The following GRM3 variants were observed in gnomAD, a reference collection of about 807,000 sequenced individuals.
GRM3 encodes glutamate metabotropic receptor 3.
GRM3 carries 26 observed loss-of-function variants against 70.5 expected under a neutral mutation model. The ratio of observed to expected loss-of-function variants is 0.37; its 90% CI spans 0.27 to 0.51. The LOEUF (loss-of-function observed/expected upper bound fraction) is 0.51, where lower values mean the gene tolerates loss of function less well. Ranked by LOEUF, GRM3 falls within the 20% of genes least tolerant of loss-of-function variation. The pLI, the probability that GRM3 is intolerant of heterozygous loss-of-function variation, is 0.93. For synonymous variants in GRM3, 443 were observed against 434.9 expected (o/e 1.02, Z -0.23); for missense variants, 859 against 1,123.8 (o/e 0.76, Z 3.37).
chr7:86,675,382 C>T (rs1794280700), intron 1 of GRM3, among the ~76,000 whole-genome samples: 1 of 152,092 alleles, frequency 6.6e-6, no homozygotes, highest in African/African-American at 2.4e-5. Flanking sequence ...CCAAAGTATT[C>T]TGTGTCTGTT....
intron 1 of GRM3, among the ~76,000 whole-genome samples, chr7:86,653,787 T>C (rs1044072127): frequency 2.0e-5 from 3 of 152,018 alleles, no homozygotes; most frequent in African/African-American, 4.8e-5. Flanking sequence ...TATTTTATCC[T>C]ATATTTTATC....
rs1246791676 is a variant in GRM3, at chr7:86,839,442, T to C, written c.1928T>C (p.Leu643Ser). The change falls in exon 4 of 6, where the codon TTG becomes TCG. Residue 643 changes from leucine to serine, a missense_variant. Coordinates refer to ENST00000361669, the MANE Select transcript of GRM3 (RefSeq NM_000840.3). This position sits in a 1 kb window ranked among gnomAD's most constrained non-coding sequence, Gnocchi z 4.5. ...AAGCCATCACCAGTCATCTGTGCAT[T>C]GCGCCGACTCGGGCTGGGGAGTTCC... ...IAKPSPVICA[L>S]RRLGLGSSFA... The C allele has an allele frequency of 6.8e-6, 11 of 1,613,816 alleles. No individual in the cohort carries two copies. Among genetic ancestry groups the C allele is most frequent in the South Asian group, 1.1e-5 (1 of 91,054 alleles).
chr7:86,700,657 A>G (rs1401916680), intron 1 of GRM3, among the ~76,000 whole-genome samples: 1 of 151,980 alleles, frequency 6.6e-6, no homozygotes, highest in African/African-American at 2.4e-5. Context: ...TTTACACAGA[A>G]AACAATTAAG....
intron 1 of GRM3, among the ~76,000 whole-genome samples, chr7:86,682,712 AT>A (rs1250528012): frequency 9.2e-5 from 14 of 152,202 alleles, no homozygotes; most frequent in East Asian, 5.8e-4. Flanking sequence ...CTTTTCAAGC[AT>A]TTTTTTAATC....
At chr7:86,761,435 C>A (rs1796478292) in intron 1 of GRM3, among the ~76,000 whole-genome samples, 1 of 152,070 alleles carries the variant, frequency 6.6e-6, no homozygotes. Flanking sequence ...ATATTTCTAC[C>A]TGTTGGTGAC....
chr7:86,819,573 C>T (rs1264644253), intron 3 of GRM3, among the ~76,000 whole-genome samples: 1 of 152,086 alleles, frequency 6.6e-6, no homozygotes, highest in African/African-American at 2.4e-5. Flanking sequence ...GAAACTAATG[C>T]CATGCTGCCC....
At position 86,864,275 on chromosome 7, in the gene GRM3, T is replaced by C. The variant is rs201487400; in HGVS notation, c.2567-7T>C. On this transcript the variant is annotated splice_region_variant and splice_polypyrimidine_tract_variant and intron_variant, in intron 5 of 5. Coordinates refer to ENST00000361669, the MANE Select transcript of GRM3 (RefSeq NM_000840.3). ...CTTTGAGTTTTCTGTCCCACTTTGT[T>C]TTCCAGCCTCTGCAAGCACGTATGT... 6.7e-7 allele frequency: 1 copy of C among 1,498,274 alleles called. No individual in the cohort carries two copies. Among genetic ancestry groups the C allele is most frequent in the East Asian group, 2.3e-5 (1 of 44,308 alleles). The allele number at this position is 1,498,274 out of a possible 1,614,324, so 92.8% of individuals were successfully genotyped here.
At chr7:86,749,287 A>G (rs1796175712) in intron 1 of GRM3, among the ~76,000 whole-genome samples, 1 of 152,024 alleles carries the variant, frequency 6.6e-6, no homozygotes, top group Non-Finnish European at 1.5e-5. Context: ...GGTCCTATAA[A>G]GTGGCAGCCC....
intron 1 of GRM3, among the ~76,000 whole-genome samples, chr7:86,652,452 T>C (rs1793630696): frequency 6.6e-6 from 1 of 152,266 alleles, no homozygotes; most frequent in East Asian, 1.9e-4. Flanking sequence ...TGCCTCAGCC[T>C]CCCAAGTAGC....
chr7:86,839,444 C>T lies in GRM3; in HGVS notation c.1930C>T (p.Arg644Cys), dbSNP rs777582336. Residue 644 changes from arginine (R) to cysteine (C), a missense_variant, in exon 4 of 6, where the codon CGC (arginine) becomes TGC (cysteine). Transcript: ENST00000361669. The surrounding 1 kb of genome is among the most constrained non-coding windows in gnomAD (Gnocchi z 4.5). ...GCCATCACCAGTCATCTGTGCATTG[C>T]GCCGACTCGGGCTGGGGAGTTCCTT... ...AKPSPVICAL[R>C]RLGLGSSFAI... 9 of 1,613,586 alleles carry T rather than the reference C, an allele frequency of 5.6e-6. No homozygotes were observed. Among genetic ancestry groups the T allele is most frequent in the East Asian group, 2.2e-5 (1 of 44,872 alleles).
In GRM3 at chr7:86,765,106, TCCA is replaced by T. The variant is rs1157908824; in HGVS notation, c.-36_-34del. ...GAGAGGACTAGCATGACACATTGGC[TCCA>T]CCATTGATATCTCCCAGAGGTACAG... On this transcript the variant is annotated 5_prime_UTR_variant, in exon 2 of 6. Transcript: ENST00000361669. 9.2e-6 allele frequency: 14 copies of T among 1,526,102 alleles called. No individual in the cohort carries two copies. The Admixed American group carries it at 1.1e-4, about 12-fold the overall frequency. The allele number at this position is 1,526,102 out of a possible 1,614,324, so 94.5% of individuals were successfully genotyped here.
Position 86,757,712 on chromosome 7 carries a change from G to A in GRM3, c.-140-7294G>A, listed in dbSNP as rs576637983. ...TCAGAAAGACTGCCACTGCTACATG[G>A]CAGGAAAGTGCCCTGTGCAGAATAC... On this transcript the variant is annotated intron_variant, in intron 1 of 5. Coordinates refer to ENST00000361669, the MANE Select transcript of GRM3 (RefSeq NM_000840.3). Among the ~76,000 whole-genome samples, 3 of 152,210 alleles carry A rather than the reference G, an allele frequency of 2.0e-5. No homozygotes were observed. In the South Asian group the frequency reaches 6.2e-4, roughly 32 times the overall value.
intron 4 of GRM3, among the ~76,000 whole-genome samples, chr7:86,841,726 A>G (rs1019762886): frequency 3.9e-5 from 6 of 152,196 alleles, no homozygotes; most frequent in African/African-American, 9.6e-5. Flanking sequence ...CATAAATAAC[A>G]TTATAAAAAT....
At chr7:86,687,079 G>C (rs1246274701) in intron 1 of GRM3, among the ~76,000 whole-genome samples, 2 of 151,786 alleles carry the variant, frequency 1.3e-5, no homozygotes, top group Non-Finnish European at 2.9e-5. Flanking sequence ...AGAAAAAGTA[G>C]AAAATCTAGG....
chr7:86,710,630 C>T (rs1470860391), intron 1 of GRM3, among the ~76,000 whole-genome samples: 2 of 150,268 alleles, frequency 1.3e-5, no homozygotes, highest in African/African-American at 2.5e-5. Context: ...ATTTCATTAA[C>T]TTGGGGAAAA....
At position 86,837,418 on chromosome 7, in the gene GRM3, A is replaced by C. The variant is rs756243055; in HGVS notation, c.1325-1421A>C. 2.6e-5 allele frequency among the ~76,000 whole-genome samples: 4 copies of C among 152,302 alleles called. No individual in the cohort carries two copies. The South Asian group carries it at 8.3e-4, about 32-fold the overall frequency. On this transcript the variant is annotated intron_variant, in intron 3 of 5. Coordinates refer to ENST00000361669, the MANE Select transcript of GRM3 (RefSeq NM_000840.3). ...AATGAAGCTCGCAGGGGAGGCAACA[A>C]AGACAGCCAATACTCACAGGGTCAG...
intron 1 of GRM3, among the ~76,000 whole-genome samples, chr7:86,747,744 A>G (rs972822736): frequency 1.3e-5 from 2 of 152,140 alleles, no homozygotes; most frequent in African/African-American, 2.4e-5. Flanking sequence ...AAATGTAACT[A>G]TAATCAGCTG....
At chr7:86,702,863 C>A (rs1344838435) in intron 1 of GRM3, among the ~76,000 whole-genome samples, 1 of 151,932 alleles carries the variant, frequency 6.6e-6, no homozygotes, top group African/African-American at 2.4e-5. Flanking sequence ...CAAGAAGTAG[C>A]TGATCTTTGA....
chr7:86,699,666 T>C (rs190739744), intron 1 of GRM3, among the ~76,000 whole-genome samples: 1 of 152,166 alleles, frequency 6.6e-6, no homozygotes, highest in Admixed American at 6.6e-5. Context: ...ATATAAATTA[T>C]ACCTTCTATC....
Sources: allele counts gnomAD v4.1 joint callset (sites outside exome capture counted in the v4.1 genomes callset), GRCh38; gene constraint gnomAD v4.1.1; non-coding constraint Gnocchi (gnomAD v3.1); transcripts MANE v1.5; gene names NCBI Gene and HGNC (gene_info 2026-07-23, HGNC 2026-07-21).